MAMDC2: variants seen among roughly 807,000 people sequenced by gnomAD.
The protein encoded by MAMDC2 is MAM domain-containing protein 2.
Under a neutral mutation model 89.8 loss-of-function variants are expected in MAMDC2, and 57 were observed. The observed-to-expected ratio is 0.63, with a 90% CI of 0.51 to 0.79. MAMDC2 has a LOEUF of 0.79. MAMDC2 is among the 30% of genes least tolerant of loss of function. The pLI, the probability that MAMDC2 is intolerant of heterozygous loss-of-function variation, is 0.00. For synonymous variants in MAMDC2, 313 were observed against 293.4 expected (o/e 1.07, Z -0.68); for missense variants, 800 against 820.6 (o/e 0.97, Z 0.31).
At chr9:70,166,681 A>G (rs1017973683) in intron 9 of MAMDC2, among the ~76,000 whole-genome samples, 3 of 152,158 alleles carry the variant, frequency 2.0e-5, no homozygotes, top group Non-Finnish European at 4.4e-5. Context: ...TTTTATGGTC[A>G]CTATAAAACA....
intron 11 of MAMDC2, among the ~76,000 whole-genome samples, chr9:70,197,996 T>C (rs2033006538): frequency 6.6e-6 from 1 of 152,076 alleles, no homozygotes; most frequent in African/African-American, 2.4e-5. Flanking sequence ...CAGTAAGATA[T>C]TTGGAGAGAG....
chr9:70,125,106 C>G (rs73451418), intron 5 of MAMDC2, among the ~76,000 whole-genome samples: 2,294 of 152,330 alleles, frequency 0.015, 50 homozygotes, highest in African/African-American at 0.052. Context: ...TCTGTTGAAG[C>G]TGCATTGAAT....
intron 9 of MAMDC2, among the ~76,000 whole-genome samples, chr9:70,167,011 C>T (rs944999354): frequency 6.6e-6 from 1 of 152,024 alleles, no homozygotes; most frequent in Non-Finnish European, 1.5e-5. Flanking sequence ...GGGCTGATGA[C>T]ACAGACCTTT....
chr9:70,151,810 A>C (rs1303801229), intron 9 of MAMDC2, among the ~76,000 whole-genome samples: 8 of 152,126 alleles, frequency 5.3e-5, no homozygotes, highest in Non-Finnish European at 1.0e-4. Context: ...AGTCTAGCTT[A>C]AGGTCCCCCA....
intron 7 of MAMDC2, among the ~76,000 whole-genome samples, chr9:70,133,329 G>A (rs1392770433): frequency 1.3e-5 from 2 of 152,180 alleles, no homozygotes; most frequent in African/African-American, 4.8e-5. Context: ...TTGAAAAAAA[G>A]AGAATTTGTG....
At chr9:70,116,690 G>A (rs1274101816) in intron 5 of MAMDC2, among the ~76,000 whole-genome samples, 9 of 136,608 alleles carry the variant, frequency 6.6e-5, no homozygotes, top group Non-Finnish European at 1.5e-4. Flanking sequence ...CATAGCATTT[G>A]GCATTAGAAA....
chr9:70,159,539 G>A (rs576484811), intron 9 of MAMDC2, among the ~76,000 whole-genome samples: 12 of 152,324 alleles, frequency 7.9e-5, no homozygotes, highest in Admixed American at 2.6e-4. Flanking sequence ...ATTAGCAAAG[G>A]ATTGCTAAAA....
chr9:70,072,812 A>T (rs556384729), intron 2 of MAMDC2, among the ~76,000 whole-genome samples: 75 of 152,262 alleles, frequency 4.9e-4, no homozygotes, highest in African/African-American at 1.5e-3. Context: ...AATTTTTTTT[A>T]AAAAAAGATG....
chr9:70,068,807 C>G (rs1049353399), intron 2 of MAMDC2, among the ~76,000 whole-genome samples: 8 of 149,966 alleles, frequency 5.3e-5, no homozygotes, highest in African/African-American at 1.7e-4. Context: ...TGCAACAGGA[C>G]AGATACAAGC....
At chr9:70,108,144 C>A in intron 2 of MAMDC2, 67 bp from the exon 3 acceptor site, 3 of 1,412,852 alleles carry the variant, frequency 2.1e-6, no homozygotes, top group East Asian at 4.7e-5. Context: ...TACTTAACTG[C>A]AGTTACGTAT....
At position 70,168,720 on chromosome 9, in the gene MAMDC2, T is replaced by C. The variant is rs1301469592; in HGVS notation, c.1423T>C (p.Cys475Arg). The change falls in exon 10 of 14, where the codon TGC becomes CGC. Residue 475 changes from cysteine to arginine, a missense_variant. Transcript: ENST00000377182. Reference protein sequence around the residue: ...MPTKVVFMSLCKSFWDCGLVA... With the variant: ...MPTKVVFMSLRKSFWDCGLVA... ...ATTTCAGGTGGTTTTCATGAGCCTA[T>C]GCAAAAGTTTCTGGGACTGTGGGCT... 1.2e-6 allele frequency: 2 copies of C among 1,613,986 alleles called. No individual in the cohort carries two copies. The highest frequency in any genetic ancestry group is 4.5e-5 in the East Asian group (2 of 44,874).
chr9:70,221,932 G>A (rs1231075465), intron 12 of MAMDC2, among the ~76,000 whole-genome samples: 1 of 152,148 alleles, frequency 6.6e-6, no homozygotes, highest in African/African-American at 2.4e-5. Context: ...GCAGTAAGAA[G>A]CCATCATACA....
At chr9:70,157,658 T>C (rs547404632) in intron 9 of MAMDC2, 1 of 152,734 alleles carries the variant, frequency 6.5e-6, no homozygotes, top group South Asian at 2.1e-4. Context: ...AAATTACTAT[T>C]TGTGGCCCTC....
At chr9:70,047,084 CTT>C (rs1826771827) in intron 2 of MAMDC2, among the ~76,000 whole-genome samples, 2 of 152,212 alleles carry the variant, frequency 1.3e-5, no homozygotes, top group African/African-American at 4.8e-5. Context: ...AAATGCACTT[CTT>C]CCTGCAGAAA....
At chr9:70,116,052 T>C (rs547816083) in intron 5 of MAMDC2, among the ~76,000 whole-genome samples, 9 of 152,236 alleles carry the variant, frequency 5.9e-5, no homozygotes, top group Admixed American at 2.6e-4. Context: ...GATTATTTCT[T>C]GTGTCATTAT....
chr9:70,059,403 C>T (rs922477971), intron 2 of MAMDC2, among the ~76,000 whole-genome samples: 4 of 151,532 alleles, frequency 2.6e-5, no homozygotes, highest in Non-Finnish European at 5.9e-5. Flanking sequence ...TGCTATGGGA[C>T]ATGAACATGT....
chr9:70,188,762 A>ATTTTTCTTT (rs1554680333), intron 11 of MAMDC2: 2 of 95,148 alleles, frequency 2.1e-5, no homozygotes, highest in Non-Finnish European at 3.7e-5. Flanking sequence ...AAAACAATTG[A>ATTTTTCTTT]TTTTTTTTTT....
chr9:70,104,227 A>C (rs912570125), intron 2 of MAMDC2, among the ~76,000 whole-genome samples: 1 of 152,224 alleles, frequency 6.6e-6, no homozygotes, highest in Non-Finnish European at 1.5e-5. Flanking sequence ...GAGAAATGCA[A>C]ATCAAAAGCA....
At chr9:70,174,334 G>C (rs2032434367) in intron 11 of MAMDC2, among the ~76,000 whole-genome samples, 3 of 152,152 alleles carry the variant, frequency 2.0e-5, no homozygotes, top group Non-Finnish European at 4.4e-5. Context: ...GAAATATTAA[G>C]CTTAATTATA....
Sources: gnomAD v4.1 joint callset for allele counts (sites outside exome capture counted in the v4.1 genomes callset) on GRCh38, gnomAD v4.1.1 for gene constraint, MANE v1.5 for transcripts, NCBI Gene and HGNC (gene_info 2026-07-23, HGNC 2026-07-21) for gene names.